The following MCM9 variants were observed in gnomAD, a reference collection of about 807,000 sequenced individuals.
MCM9 encodes minichromosome maintenance 9 homologous recombination repair factor, also known as DNA helicase MCM9.
Under a neutral mutation model 72.8 loss-of-function variants are expected in MCM9, and 55 were observed. That is an observed-to-expected ratio of 0.76 (90% CI 0.61 to 0.95). MCM9 has a LOEUF of 0.95. Among genes scored for constraint, MCM9 ranks in the 40% least tolerant of loss-of-function variants. The pLI is 0.00. For synonymous variants in MCM9, 480 were observed against 503.4 expected, an observed-to-expected ratio of 0.95 and a Z score of 0.62; for missense variants, 1,279 against 1,377.0, an observed-to-expected ratio of 0.93 and a Z score of 1.13.
rs559846276 is a variant in MCM9, at chr6:118,932,694, C to T, written c.-103G>A. The T allele has an allele frequency of 1.6e-4, 127 of 805,054 alleles. No homozygotes were observed. The African/African-American group carries it at 2.2e-3, about 14-fold the overall frequency. The allele number at this position is 805,054 out of a possible 1,614,324, so 49.9% of individuals were successfully genotyped here. On this transcript the variant is annotated 5_prime_UTR_variant, in exon 2 of 14. Transcript: ENST00000619706. ...TACTTGGAAGTGAATTTGTTTCCTT[C>T]TTTCTCTTTCTTACCGTAGGAAATC...
chr6:118,873,738 T>C (rs1488321621), intron 8 of MCM9, among the ~76,000 whole-genome samples: 1 of 152,216 alleles, frequency 6.6e-6, no homozygotes, highest in Non-Finnish European at 1.5e-5. Flanking sequence ...ATCTCTTTCA[T>C]AATACAGAGG....
intron 8 of MCM9, among the ~76,000 whole-genome samples, chr6:118,863,057 T>C (rs1776999476): frequency 6.6e-6 from 1 of 152,110 alleles, no homozygotes; most frequent in African/African-American, 2.4e-5. Context: ...AAGTAGAGCA[T>C]TAGACAAAAA....
chr6:118,843,670 G>GTGTATATATATATGTATGTATATA (rs1562407108), intron 9 of MCM9, among the ~76,000 whole-genome samples: 281 of 16,964 alleles, frequency 0.017, 10 homozygotes, highest in South Asian at 0.04. Context: ...ATATATATAT[G>GTGTATATATATATGTATGTATATA]TATGTATATA....
chr6:118,893,101 A>G (rs1460377302), intron 8 of MCM9, among the ~76,000 whole-genome samples: 3 of 152,250 alleles, frequency 2.0e-5, no homozygotes, highest in Admixed American at 6.5e-5. Flanking sequence ...ACAAACCTTT[A>G]TACCACTTAC....
chr6:118,836,130 G>C (rs903548145), intron 9 of MCM9, among the ~76,000 whole-genome samples: 1 of 152,210 alleles, frequency 6.6e-6, no homozygotes, highest in African/African-American at 2.4e-5. Context: ...CATTGGTTCT[G>C]TTTAAGTGAT....
chr6:118,930,268 G>A (rs1158340926), intron 3 of MCM9, among the ~76,000 whole-genome samples: 2 of 152,002 alleles, frequency 1.3e-5, no homozygotes, highest in African/African-American at 4.8e-5. Context: ...CCGCCACCAT[G>A]CCCGGCTAAT....
At chr6:118,900,830 C>T (rs2114521203) in intron 8 of MCM9, 2 of 1,613,788 alleles carry the variant, frequency 1.2e-6, no homozygotes, top group East Asian at 2.2e-5. Flanking sequence ...AAGTTTTAGA[C>T]TCTGTTTTAG....
At chr6:118,906,830 T>C (rs1257622597) in intron 8 of MCM9, among the ~76,000 whole-genome samples, 1 of 152,176 alleles carries the variant, frequency 6.6e-6, no homozygotes, top group Non-Finnish European at 1.5e-5. Context: ...GACAATAGAA[T>C]AGAATGTTCT....
chr6:118,864,108 T>G (rs1777069684), intron 8 of MCM9, among the ~76,000 whole-genome samples: 1 of 152,122 alleles, frequency 6.6e-6, no homozygotes, highest in African/African-American at 2.4e-5. Context: ...GTATTTTGGT[T>G]ATGTGGATGA....
At chr6:118,912,943 T>C (rs1312101627) in intron 7 of MCM9, 2 of 172,726 alleles carry the variant, frequency 1.2e-5, no homozygotes, top group African/African-American at 2.4e-5. Flanking sequence ...AGACGCTGAC[T>C]GGAGACATTA....
chr6:118,923,029 C>CAAAAAAAAAAAAA (rs780562520), intron 4 of MCM9, among the ~76,000 whole-genome samples: 7 of 43,484 alleles, frequency 1.6e-4, no homozygotes, highest in Admixed American at 2.6e-4. Context: ...AACTCCATCT[C>CAAAAAAAAAAAAA]AAAAAAAAAA....
At chr6:118,842,577 T>C (rs1450417117) in intron 9 of MCM9, among the ~76,000 whole-genome samples, 3 of 152,202 alleles carry the variant, frequency 2.0e-5, no homozygotes, top group Non-Finnish European at 2.9e-5. Flanking sequence ...TGGAGTGCAG[T>C]GGTCCAATCA....
At chr6:118,905,949 A>AT in intron 8 of MCM9, 1 of 685,550 alleles carries the variant, frequency 1.5e-6, no homozygotes, top group Non-Finnish European at 2.3e-6. Flanking sequence ...TGAGGTCCTT[A>AT]TGCCAACTGG....
At chr6:118,898,487 C>T (rs1056307341) in intron 8 of MCM9, among the ~76,000 whole-genome samples, 11 of 149,760 alleles carry the variant, frequency 7.3e-5, no homozygotes, top group Admixed American at 3.3e-4. Context: ...TGCAGTGGCG[C>T]GATCTCGGCT....
intron 9 of MCM9, among the ~76,000 whole-genome samples, chr6:118,836,678 G>A (rs1292138740): frequency 6.6e-6 from 1 of 152,144 alleles, no homozygotes; most frequent in Non-Finnish European, 1.5e-5. Flanking sequence ...ATTTCTGTGG[G>A]ATCAGTGGTG....
chr6:118,863,974 T>C (rs983352381), intron 8 of MCM9, among the ~76,000 whole-genome samples: 5 of 151,240 alleles, frequency 3.3e-5, no homozygotes, highest in Admixed American at 6.6e-5. Context: ...GTTCTAAATA[T>C]ATCAATTAAG....
chr6:118,889,649 G>A (rs1274730569), intron 8 of MCM9, among the ~76,000 whole-genome samples: 1 of 152,048 alleles, frequency 6.6e-6, no homozygotes, highest in African/African-American at 2.4e-5. Context: ...GGACTAAGAA[G>A]ACACAGACAA....
chr6:118,909,600 G>A (rs1780393770), intron 8 of MCM9, among the ~76,000 whole-genome samples: 1 of 152,132 alleles, frequency 6.6e-6, no homozygotes, highest in Non-Finnish European at 1.5e-5. Flanking sequence ...ATGAACCAAT[G>A]ACTTATGCCA....
Position 118,928,845 on chromosome 6 carries a change from A to T in MCM9, c.304+2575T>A, listed in dbSNP as rs554389053. ...ATTCCAGCCTGGGCAACAGAGTGAG[A>T]CCCTGTCTCAAAAAAAAAAAAAGAA... On this transcript the variant is annotated intron_variant, in intron 3 of 13. Transcript: ENST00000619706. 5.4e-4 allele frequency among the ~76,000 whole-genome samples: 82 copies of T among 151,296 alleles called. 1 individual carries two copies. Among genetic ancestry groups the T allele is most frequent in the Non-Finnish European group, 1.1e-3 (72 of 67,874 alleles).
Sources: allele counts gnomAD v4.1 joint callset (sites outside exome capture counted in the v4.1 genomes callset), GRCh38; gene constraint gnomAD v4.1.1; transcripts MANE v1.5; gene names NCBI Gene and HGNC (gene_info 2026-07-23, HGNC 2026-07-21).